Variants in PDE3B observed in about 807,000 individuals in gnomAD.
The protein encoded by PDE3B is cGMP-inhibited 3',5'-cyclic phosphodiesterase 3B.
In PDE3B, 66 loss-of-function variants were observed where a neutral mutation model predicts 116.8. That is an observed-to-expected ratio of 0.56 (90% confidence interval 0.46 to 0.69). The LOEUF is 0.69. Ranked by LOEUF, PDE3B falls within the 30% of genes least tolerant of loss-of-function variation. PDE3B has a pLI of 0.00. For synonymous variants in PDE3B, 595 were observed against 533.6 expected (o/e 1.12, Z -1.59); for missense variants, 1,384 against 1,368.1 (o/e 1.01, Z -0.18).
intron 12 of PDE3B, among the ~76,000 whole-genome samples, chr11:14,850,252 A>G (rs1167049006): frequency 6.7e-6 from 1 of 149,684 alleles, no homozygotes. Context: ...AAAACCAAAC[A>G]CCGCATATTC....
chr11:14,670,993 C>T (rs1252772652), intron 1 of PDE3B, among the ~76,000 whole-genome samples: 1 of 152,046 alleles, frequency 6.6e-6, no homozygotes, highest in African/African-American at 2.4e-5. Context: ...AAGTGCACAC[C>T]ACCATGCCCA....
intron 1 of PDE3B, among the ~76,000 whole-genome samples, chr11:14,722,311 TA>T (rs761273011): frequency 4.7e-4 from 68 of 145,572 alleles, no homozygotes; most frequent in African/African-American, 1.4e-3. Flanking sequence ...AAAGTATAAT[TA>T]AAAAAAAAAG....
At chr11:14,728,085 A>T (rs1262413131) in intron 1 of PDE3B, among the ~76,000 whole-genome samples, 1 of 152,082 alleles carries the variant, frequency 6.6e-6, no homozygotes, top group African/African-American at 2.4e-5. Context: ...AGAGTTTATA[A>T]TATATGCATA....
intron 7 of PDE3B, 64 bp downstream of exon 7, chr11:14,819,273 T>G (rs1041896774): frequency 1.5e-5 from 14 of 963,064 alleles, no homozygotes; most frequent in Non-Finnish European, 2.3e-5. Flanking sequence ...ATTTTTAGAA[T>G]GGGAAAATGA....
intron 1 of PDE3B, among the ~76,000 whole-genome samples, chr11:14,658,500 C>T (rs1853785648): frequency 6.6e-6 from 1 of 152,116 alleles, no homozygotes; most frequent in African/African-American, 2.4e-5. Flanking sequence ...GGATTACAGG[C>T]ATGCGCCAAC....
At chr11:14,839,911 C>T (rs1020520898) in intron 11 of PDE3B, among the ~76,000 whole-genome samples, 1 of 152,090 alleles carries the variant, frequency 6.6e-6, no homozygotes, top group Non-Finnish European at 1.5e-5. Flanking sequence ...TTGAAGTATA[C>T]TAGGGATCCA....
rs570181563 is a variant in PDE3B at position 14,808,805 on chromosome 11, C to A, written c.1522+4755C>A. Among the ~76,000 whole-genome samples the A allele has an allele frequency of 4.9e-4, 74 of 152,156 alleles. 1 individual carries two copies. Among genetic ancestry groups the A allele is most frequent in the African/African-American group, 1.7e-3 (72 of 41,516 alleles). ...GAAAAAATCTTTGAAATAAATTTAG[C>A]AAAATAGTACAAGACTTTTACAATG... is the stretch of plus-strand genomic sequence containing the variant. On this transcript the variant is annotated intron_variant, in intron 5 of 15. Coordinates refer to ENST00000282096, the MANE Select transcript of PDE3B (RefSeq NM_000922.4).
downstream of PDE3B, among the ~76,000 whole-genome samples, chr11:14,872,881 C>T (rs1275498972): frequency 2.0e-5 from 3 of 152,130 alleles, no homozygotes; most frequent in Non-Finnish European, 4.4e-5. Context: ...CTGAAAAACT[C>T]CACATATAAG....
chr11:14,803,881 G>A (rs1858842115), intron 4 of PDE3B, 63 bp from the exon 5 acceptor site: 3 of 914,884 alleles, frequency 3.3e-6, no homozygotes, highest in Middle Eastern at 2.2e-4. Flanking sequence ...TGAGAACCAT[G>A]AGGAAAAAAG....
At chr11:14,791,146 C>A (rs1369115801) in intron 4 of PDE3B, among the ~76,000 whole-genome samples, 1 of 152,054 alleles carries the variant, frequency 6.6e-6, no homozygotes, top group Non-Finnish European at 1.5e-5. Context: ...AGCTCTAGAT[C>A]TTTAATGCGT....
intron 2 of PDE3B, among the ~76,000 whole-genome samples, chr11:14,783,144 C>T (rs1858078695): frequency 6.6e-6 from 1 of 152,204 alleles, no homozygotes; most frequent in African/African-American, 2.4e-5. Flanking sequence ...AATAGGAACA[C>T]TTTTACACTG....
At chr11:14,856,262 C>T (rs1555006172) in intron 12 of PDE3B, among the ~76,000 whole-genome samples, 1 of 152,218 alleles carries the variant, frequency 6.6e-6, no homozygotes, top group Non-Finnish European at 1.5e-5. Context: ...GAGGCTTCCC[C>T]ACCCATGTGG....
chr11:14,807,558 C>T (rs1170464167), intron 5 of PDE3B, among the ~76,000 whole-genome samples: 1 of 151,696 alleles, frequency 6.6e-6, no homozygotes, highest in Admixed American at 6.6e-5. Flanking sequence ...TTGAATAATT[C>T]AAAAGAATCT....
At chr11:14,839,305 A>G (rs765877400) in intron 11 of PDE3B, among the ~76,000 whole-genome samples, 1 of 152,226 alleles carries the variant, frequency 6.6e-6, no homozygotes, top group Non-Finnish European at 1.5e-5. Context: ...ATCTCCAGGA[A>G]TTGCCTCATT....
At chr11:14,862,636 C>T (rs782543532) in intron 14 of PDE3B, among the ~76,000 whole-genome samples, 3 of 152,226 alleles carry the variant, frequency 2.0e-5, no homozygotes, top group Middle Eastern at 3.4e-3. Context: ...TGCAGTGGCG[C>T]GATCTCGGCT....
At chr11:14,653,120 T>C (rs1044790730) in intron 1 of PDE3B, among the ~76,000 whole-genome samples, 1 of 152,306 alleles carries the variant, frequency 6.6e-6, no homozygotes, top group South Asian at 2.1e-4. Context: ...TATGTGTTGA[T>C]TTTTATATAC....
At chr11:14,811,136 G>A (rs1459564858) in intron 5 of PDE3B, among the ~76,000 whole-genome samples, 7 of 152,034 alleles carry the variant, frequency 4.6e-5, no homozygotes, top group Non-Finnish European at 7.4e-5. Flanking sequence ...CACTCTGATG[G>A]TAGTTTCTTT....
chr11:14,648,242 G>T (rs12362122), intron 1 of PDE3B, among the ~76,000 whole-genome samples: 4 of 151,988 alleles, frequency 2.6e-5, no homozygotes, highest in African/African-American at 9.7e-5. Flanking sequence ...TAGTGTGTGA[G>T]ATATTTTTCT....
intron 1 of PDE3B, among the ~76,000 whole-genome samples, chr11:14,685,742 C>T (rs1305553494): frequency 6.6e-6 from 1 of 152,196 alleles, no homozygotes; most frequent in East Asian, 1.9e-4. Context: ...AGGCATGAGC[C>T]ACTGCACCTG....
Sources: gnomAD v4.1 joint callset for allele counts (sites outside exome capture counted in the v4.1 genomes callset) on GRCh38, gnomAD v4.1.1 for gene constraint, MANE v1.5 for transcripts, NCBI Gene and HGNC (gene_info 2026-07-23, HGNC 2026-07-21) for gene names.